Variants in HUWE1 observed in about 807,000 individuals in gnomAD.
HUWE1 encodes E3 ubiquitin-protein ligase HUWE1.
HUWE1 carries 18 observed loss-of-function variants against 299.4 expected under a neutral mutation model. The observed-to-expected ratio is 0.06, with a 90% CI of 0.04 to 0.09. The LOEUF (loss-of-function observed/expected upper bound fraction) is 0.09, where lower values mean the gene tolerates loss of function less well. HUWE1 is among the 10% of genes least tolerant of loss of function. HUWE1 has a pLI of 1.00. For missense variants in HUWE1, 1,832 were observed against 3,462.3 expected (o/e 0.53, Z 11.82); for synonymous variants, 1,317 against 1,286.1 (o/e 1.02, Z -0.51).
rs781994864 is a variant in HUWE1 at position 53,617,449 on chromosome X, A to T, written c.1673-3T>A. On this transcript the variant is annotated splice_polypyrimidine_tract_variant and splice_region_variant and intron_variant, in intron 19 of 83. Coordinates refer to ENST00000262854, the MANE Select transcript of HUWE1 (RefSeq NM_031407.7). ...AAACACAGTCACCACTTCAGTAGCTAAAAAAAGATGAGAAAATATGGAAAA... is the reference window on the plus strand; with the variant it reads ...AAACACAGTCACCACTTCAGTAGCTTAAAAAAGATGAGAAAATATGGAAAA... 22 of 1,098,193 alleles carry T rather than the reference A, an allele frequency of 2.0e-5. No individual in the cohort carries two copies. The highest frequency in any genetic ancestry group is 2.6e-5 in the Non-Finnish European group (21 of 800,263). 90.5% of individuals were successfully genotyped at this position (1,098,193 alleles called of 1,213,427 possible). A position where few individuals can be genotyped will look rare whatever the true frequency, so the allele number is the denominator to read the frequency against.
intron 48 of HUWE1, 131 bp downstream of exon 48, chrX:53,569,485 T>G (rs2062723316): frequency 1.2e-5 from 7 of 594,962 alleles, no homozygotes; most frequent in South Asian, 2.4e-5. Context: ...CAGAACTATT[T>G]GAGCGGACCA....
chrX:53,628,305 G>T (rs963773950), intron 15 of HUWE1, among the ~76,000 whole-genome samples, 188 bp downstream of exon 15: 5 of 110,854 alleles, frequency 4.5e-5, no homozygotes, highest in African/African-American at 1.6e-4. Context: ...AATGGAAGTA[G>T]CTGCTCTTAA....
chrX:53,679,576 G>T (rs930038962), intron 3 of HUWE1, among the ~76,000 whole-genome samples: 3 of 111,394 alleles, frequency 2.7e-5, no homozygotes, highest in African/African-American at 9.8e-5. Context: ...GATGGCTTGA[G>T]CCCAGGAGTT....
At chrX:53,601,483 C>T (rs1182923468) in intron 28 of HUWE1, among the ~76,000 whole-genome samples, 1 of 110,145 alleles carries the variant, frequency 9.1e-6, no homozygotes, top group Non-Finnish European at 1.9e-5. Context: ...TGTGCCTGGC[C>T]TGATGCATTT....
At chrX:53,673,278 T>C (rs1241693273) in intron 3 of HUWE1, among the ~76,000 whole-genome samples, 1 of 111,577 alleles carries the variant, frequency 9.0e-6, no homozygotes, top group African/African-American at 3.3e-5. Flanking sequence ...TAAAAAAGTA[T>C]CTCCTGTTTA....
At position 53,573,771 on chromosome X, in the gene HUWE1, G is replaced by T. The variant is rs781800755; in HGVS notation, c.6291C>A (p.Gly2097=). The part of the protein sequence containing the change: ...TLIANYSYTV[G]QSELIKEDCS... ...TTACCTCTTTGATCAGTTCAGACTG[G>T]CCCACAGTGTAGCTGTAGTTGGCAA... is the stretch of plus-strand genomic sequence containing the variant. The change falls in exon 47 of 84, where the codon GGC becomes GGA. Residue 2097 remains glycine (G), a synonymous_variant. Coordinates refer to ENST00000262854, the MANE Select transcript of HUWE1 (RefSeq NM_031407.7). 4 of 1,207,220 alleles carry T rather than the reference G, an allele frequency of 3.3e-6. No homozygotes were observed. The highest frequency in any genetic ancestry group is 4.5e-6 in the Non-Finnish European group (4 of 891,238).
chrX:53,572,559 C>T (rs782219290), intron 47 of HUWE1, among the ~76,000 whole-genome samples: 2 of 111,549 alleles, frequency 1.8e-5, no homozygotes, highest in Non-Finnish European at 3.8e-5. Context: ...AACAAGGCAC[C>T]CTTACGGGAA....
intron 19 of HUWE1, 82 bp downstream of exon 19, chrX:53,624,513 A>ATAAG: frequency 1.5e-6 from 1 of 660,681 alleles, no homozygotes; most frequent in African/African-American, 2.2e-5. Context: ...AAATAAGTAA[A>ATAAG]TAAGTAAGTA....
chrX:53,649,764 CTTCTAT>C (rs1463716812), intron 4 of HUWE1, among the ~76,000 whole-genome samples: 1 of 112,162 alleles, frequency 8.9e-6, no homozygotes, highest in Non-Finnish European at 1.9e-5. Context: ...AAACGTGTTA[CTTCTAT>C]TTCTAATGGA....
In HUWE1 at chrX:53,617,381, C is replaced by G; in HGVS notation, c.1738G>C (p.Gly580Arg). 8.3e-7 allele frequency: 1 copy of G among 1,200,597 alleles called. No individual in the cohort carries two copies. Among genetic ancestry groups the G allele is most frequent in the Non-Finnish European group, 1.1e-6 (1 of 886,759 alleles). ...PSLLSSLQDN[G>R]LTDVMLHALL... ...GCATGCAGCATGACATCTGTCAATC[C>G]ATTGTCCTGGAGTGAGGAGAGCAGT... Residue 580 changes from glycine (G) to arginine (R), a missense_variant, in exon 20 of 84, where the codon GGA (glycine) becomes CGA (arginine). Around this residue, in one of 15 missense-constraint regions of HUWE1, gnomAD observed 658 missense variants for 1,282.6 expected, o/e 0.51. Coordinates refer to ENST00000262854, the MANE Select transcript of HUWE1 (RefSeq NM_031407.7).
At chrX:53,606,876 A>C (rs927514658) in intron 25 of HUWE1, among the ~76,000 whole-genome samples, 3 of 111,658 alleles carry the variant, frequency 2.7e-5, no homozygotes, top group Admixed American at 9.5e-5. Flanking sequence ...AGATGAAAAG[A>C]GTTCTGGAGA....
intron 80 of HUWE1, 80 bp downstream of exon 80, chrX:53,536,067 C>T: frequency 9.8e-6 from 6 of 609,568 alleles, no homozygotes; most frequent in Admixed American, 2.4e-5. Flanking sequence ...GAAGGTCACG[C>T]AGTGCTAGTT....
chrX:53,588,019 T>C (rs1467710782), intron 37 of HUWE1, among the ~76,000 whole-genome samples: 2 of 111,973 alleles, frequency 1.8e-5, no homozygotes, highest in Non-Finnish European at 3.8e-5. Context: ...TTAGGTTTCC[T>C]CAGAAGAGCA....
At chrX:53,649,850 G>A (rs2068332581) in intron 4 of HUWE1, among the ~76,000 whole-genome samples, 1 of 112,339 alleles carries the variant, frequency 8.9e-6, no homozygotes, top group African/African-American at 3.2e-5. Flanking sequence ...TTTGGATCCT[G>A]TAATAATTTG....
At chrX:53,579,016 T>C (rs1426547917) in intron 43 of HUWE1, among the ~76,000 whole-genome samples, 111 of 48,063 alleles carry the variant, frequency 2.3e-3, no homozygotes, top group Non-Finnish European at 3.1e-3. Flanking sequence ...AGCCGCCCCG[T>C]CCGGGAGGGA....
At chrX:53,548,570 T>C (rs1317775766) in intron 67 of HUWE1, among the ~76,000 whole-genome samples, 1 of 112,944 alleles carries the variant, frequency 8.9e-6, no homozygotes, top group Non-Finnish European at 1.9e-5. Context: ...CGACATGATG[T>C]ATTTTGCACA....
rs954315918 is a variant in HUWE1, at chrX:53,615,110, G to A, written c.2050-365C>T. 2.7e-5 allele frequency among the ~76,000 whole-genome samples: 3 copies of A among 109,656 alleles called. No individual in the cohort carries two copies. In the East Asian group the frequency reaches 8.5e-4, roughly 31 times the overall value. The stretch of plus-strand genomic sequence containing the variant: ...GGGGCAGCCACAGGGATCAACAAAC[G>A]GAGACTAGAAAGGGTAATATGCTTT... On this transcript the variant is annotated intron_variant, in intron 22 of 83. Coordinates refer to ENST00000262854, the MANE Select transcript of HUWE1 (RefSeq NM_031407.7).
At chrX:53,566,781 C>T (rs1448760430) in intron 49 of HUWE1, among the ~76,000 whole-genome samples, 2 of 111,661 alleles carry the variant, frequency 1.8e-5, no homozygotes, top group Non-Finnish European at 3.8e-5. Context: ...GTGAGAAGGG[C>T]AAATATCACC....
chrX:53,569,889 G>A (rs781844611), intron 47 of HUWE1, 62 bp from the exon 48 acceptor site: 37 of 951,898 alleles, frequency 3.9e-5, no homozygotes, highest in Non-Finnish European at 5.2e-5. Context: ...CATTTGCACA[G>A]GACCAAAGAT....
Sources: allele counts gnomAD v4.1 joint callset (sites outside exome capture counted in the v4.1 genomes callset), GRCh38; gene constraint gnomAD v4.1.1; regional missense constraint gnomAD v4.1.1; transcripts MANE v1.5; gene names NCBI Gene and HGNC (gene_info 2026-07-23, HGNC 2026-07-21).